The following SGCD variants were observed in gnomAD, a reference collection of about 807,000 sequenced individuals.
The protein encoded by SGCD is sarcoglycan delta.
Under a neutral mutation model 36.6 loss-of-function variants are expected in SGCD, and 18 were observed. The ratio of observed to expected loss-of-function variants is 0.49; its 90% CI spans 0.34 to 0.73. The LOEUF is 0.73. Ranked by LOEUF, SGCD falls within the 30% of genes least tolerant of loss-of-function variation. The pLI, the probability that SGCD is intolerant of heterozygous loss-of-function variation, is 0.01. For synonymous variants in SGCD, 133 were observed against 130.6 expected, an observed-to-expected ratio of 1.02 and a Z score of -0.12; for missense variants, 387 against 346.7, an observed-to-expected ratio of 1.12 and a Z score of -0.92.
At chr5:156,349,173 G>T (rs1322113084) in intron 3 of SGCD, among the ~76,000 whole-genome samples, 1 of 151,900 alleles carries the variant, frequency 6.6e-6, no homozygotes, top group African/African-American at 2.4e-5. Context: ...CCTAGGAAAA[G>T]CACTTCTGGA....
intron 1 of SGCD, among the ~76,000 whole-genome samples, chr5:155,900,720 GAGT>G (rs1756371158): frequency 6.6e-6 from 1 of 151,892 alleles, no homozygotes; most frequent in Non-Finnish European, 1.5e-5. Context: ...CAAAATGCAG[GAGT>G]AAGATTTTTC....
chr5:156,014,498 A>G (rs1207555384), intron 1 of SGCD, among the ~76,000 whole-genome samples: 8 of 152,098 alleles, frequency 5.3e-5, no homozygotes, highest in Non-Finnish European at 4.4e-5. Context: ...TTTCATTTGT[A>G]AGTAGTTTGT....
intron 4 of SGCD, among the ~76,000 whole-genome samples, chr5:156,551,356 C>G (rs990838089): frequency 6.6e-6 from 1 of 152,072 alleles, no homozygotes; most frequent in African/African-American, 2.4e-5. Context: ...TCTATCTCAT[C>G]ACAACCCTTC....
chr5:156,760,582 A>T lies in SGCD; in HGVS notation c.*1192A>T, dbSNP rs1222035641. The T allele has an allele frequency of 1.3e-5, 2 of 152,620 alleles. No individual in the cohort carries two copies. Among genetic ancestry groups the T allele is most frequent in the African/African-American group, 2.4e-5 (1 of 41,452 alleles). 9.5% of individuals were successfully genotyped at this position (152,620 alleles called of 1,614,324 possible). A position where few individuals can be genotyped will look rare whatever the true frequency, so the allele number is the denominator to read the frequency against. ...CCACCAGAATTGTGCACTGAAAGAT[A>T]ATACAAACTGAGTGTCTTTATGAGA... On this transcript the variant is annotated 3_prime_UTR_variant, in exon 9 of 9. Transcript: ENST00000337851.
intron 3 of SGCD, among the ~76,000 whole-genome samples, chr5:156,251,766 G>T (rs1217987663): frequency 1.3e-5 from 2 of 151,808 alleles, no homozygotes; most frequent in Non-Finnish European, 2.9e-5. Context: ...CTCCCACCTC[G>T]CCCTCCCAAC....
At chr5:156,146,481 G>A (rs753854602) in intron 3 of SGCD, among the ~76,000 whole-genome samples, 1 of 152,134 alleles carries the variant, frequency 6.6e-6, no homozygotes, top group Non-Finnish European at 1.5e-5. Flanking sequence ...AAAGGTGGAG[G>A]TATGACTACT....
At chr5:156,416,042 C>T (rs987208361) in intron 3 of SGCD, among the ~76,000 whole-genome samples, 1 of 152,168 alleles carries the variant, frequency 6.6e-6, no homozygotes, top group Non-Finnish European at 1.5e-5. Context: ...TCCACAGTTA[C>T]AGTGAATTCT....
At chr5:155,827,741 T>C in the SGCD span, among the ~76,000 whole-genome samples, 113,941 of 144,466 alleles carry the variant, frequency 0.79, 45,347 homozygotes, top group East Asian at 0.91. Flanking sequence ...TGCAATGGTG[T>C]GATCTTGGCT....
intron 7 of SGCD, among the ~76,000 whole-genome samples, chr5:156,704,573 T>C (rs1754663730): frequency 6.6e-6 from 1 of 152,146 alleles, no homozygotes; most frequent in South Asian, 2.1e-4. Flanking sequence ...CAGATGCCTA[T>C]TTGCCTAAAG....
chr5:155,999,963 G>C (rs1758630939), intron 1 of SGCD, among the ~76,000 whole-genome samples: 1 of 152,212 alleles, frequency 6.6e-6, no homozygotes, highest in Admixed American at 6.5e-5. Flanking sequence ...GCAACTGTTA[G>C]AGTAGGTTCT....
chr5:155,905,696 A>T (rs1756492581), intron 1 of SGCD, among the ~76,000 whole-genome samples: 1 of 152,076 alleles, frequency 6.6e-6, no homozygotes, highest in Non-Finnish European at 1.5e-5. Flanking sequence ...AGGTAACTGA[A>T]TCATGGGGAC....
chr5:156,294,161 A>G (rs10036448), intron 3 of SGCD, among the ~76,000 whole-genome samples: 63,871 of 152,040 alleles, frequency 0.42, 14,597 homozygotes, highest in African/African-American at 0.59. Context: ...ATAAAAATGC[A>G]AATGATTTTT....
At chr5:156,180,341 G>T (rs1763573637) in intron 3 of SGCD, among the ~76,000 whole-genome samples, 1 of 152,050 alleles carries the variant, frequency 6.6e-6, no homozygotes, top group Non-Finnish European at 1.5e-5. Context: ...TTTAAACGTT[G>T]TGCTGTTGAT....
rs1271402483 is a variant in SGCD, at chr5:156,406,815, TATATACACACACAC to T, written c.192+62140_192+62153del. Among the ~76,000 whole-genome samples, 101 of 110,960 alleles carry T rather than the reference TATATACACACACAC, an allele frequency of 9.1e-4. 2 individuals are homozygous for T. The highest frequency in any genetic ancestry group is 3.7e-3 in the African/African-American group (94 of 25,486). The allele number at this position is 110,960 out of a possible 152,430, so 72.8% of individuals were successfully genotyped here. On this transcript the variant is annotated intron_variant, in intron 3 of 8. Coordinates refer to ENST00000337851, the MANE Select transcript of SGCD (RefSeq NM_000337.6). ...TTATATATATATATATATATATATA[TATATACACACACAC>T]ACACACACACACATATATATGTGTA...
At chr5:156,012,689 T>G (rs1006562993) in intron 1 of SGCD, among the ~76,000 whole-genome samples, 1 of 151,458 alleles carries the variant, frequency 6.6e-6, no homozygotes, top group African/African-American at 2.4e-5. Flanking sequence ...CTTGGCTCAC[T>G]GCAAGCTCCG....
At position 155,992,173 on chromosome 5, in the gene SGCD, T is replaced by C. The variant is rs76032976; in HGVS notation, c.-282+121749T>C. ...AATTAACACCAGAGTTTTGTCATCATGAAAAGCAAACTGACTCAGATAGAT... is the reference window on the plus strand; with the variant it reads ...AATTAACACCAGAGTTTTGTCATCACGAAAAGCAAACTGACTCAGATAGAT... On this transcript the variant is annotated intron_variant, in intron 1 of 9. Coordinates refer to the SGCD transcript ENST00000517913. Among the ~76,000 whole-genome samples the C allele has an allele frequency of 6.2e-3, 942 of 152,360 alleles. 6 individuals carry two copies. The highest frequency in any genetic ancestry group is 0.01 in the Non-Finnish European group (702 of 68,034).
intron 3 of SGCD, among the ~76,000 whole-genome samples, chr5:156,216,813 T>C (rs955775139): frequency 2.6e-5 from 4 of 152,230 alleles, no homozygotes; most frequent in South Asian, 2.1e-4. Context: ...GCGTGGTGGC[T>C]CACGCCTGTC....
chr5:156,753,287 G>A lies in SGCD; in HGVS notation c.576-4294G>A, dbSNP rs138658867. ...CACTCCTCCTTTCTGCATCTCTTCA[G>A]TGAGGCTCTTCTTTCTCCTCTGAGA... is the stretch of plus-strand genomic sequence containing the variant. On this transcript the variant is annotated intron_variant, in intron 7 of 8. Coordinates refer to ENST00000337851, the MANE Select transcript of SGCD (RefSeq NM_000337.6). Among the ~76,000 whole-genome samples, 532 of 152,310 alleles carry A rather than the reference G, an allele frequency of 3.5e-3. 3 individuals are homozygous for A. The highest frequency in any genetic ancestry group is 0.011 in the African/African-American group (468 of 41,554).
At chr5:155,779,318 C>G in the SGCD span, among the ~76,000 whole-genome samples, 2 of 152,002 alleles carry the variant, frequency 1.3e-5, no homozygotes, top group Non-Finnish European at 2.9e-5. Flanking sequence ...CATTCCTGTG[C>G]TCCCATCTGC....
Sources: allele counts gnomAD v4.1 joint callset (sites outside exome capture counted in the v4.1 genomes callset), GRCh38; gene constraint gnomAD v4.1.1; transcripts MANE v1.5; gene names NCBI Gene and HGNC (gene_info 2026-07-23, HGNC 2026-07-21).